ZNF248: variants seen among roughly 807,000 people sequenced by gnomAD.
ZNF248 encodes the protein KRAB protein domain.
ZNF248 carries 20 observed loss-of-function variants against 44.3 expected under a neutral mutation model. The ratio of observed to expected loss-of-function variants is 0.45; its 90% confidence interval spans 0.32 to 0.66. ZNF248 has a LOEUF of 0.66. Among genes scored for constraint, ZNF248 ranks in the 30% least tolerant of loss-of-function variants. The probability of loss-of-function intolerance (pLI) is 0.04; values close to 1 mark genes in which losing one functional copy is unlikely to be tolerated. For missense variants in ZNF248, 654 were observed against 677.0 expected (o/e 0.97, Z 0.38); for synonymous variants, 224 against 229.0 (o/e 0.98, Z 0.20).
At chr10:37,761,054 A>G in the ZNF248 span, among the ~76,000 whole-genome samples, 45 of 152,330 alleles carry the variant, frequency 3.0e-4, no homozygotes, top group Admixed American at 5.2e-4. Flanking sequence ...GCAACATCCC[A>G]ACTCCATCTG....
intron 6 of ZNF248, among the ~76,000 whole-genome samples, chr10:37,777,761 C>A (rs748646312): frequency 6.7e-6 from 1 of 148,594 alleles, no homozygotes; most frequent in Non-Finnish European, 1.5e-5. Flanking sequence ...GTTCAATTCC[C>A]ACTTATGAGT....
intron 6 of ZNF248, among the ~76,000 whole-genome samples, chr10:37,802,360 TG>T (rs1171259256): frequency 6.6e-6 from 1 of 152,162 alleles, no homozygotes; most frequent in Non-Finnish European, 1.5e-5. Context: ...GCAAGGTCCC[TG>T]GGGGGAATGT....
intron 6 of ZNF248, among the ~76,000 whole-genome samples, chr10:37,812,314 T>C (rs2051643717): frequency 2.0e-5 from 3 of 151,488 alleles, no homozygotes; most frequent in Non-Finnish European, 4.4e-5. Context: ...AAAAGTGTCT[T>C]TGGGAAAAAA....
At chr10:37,845,286 G>C (rs928063173) in intron 3 of ZNF248, among the ~76,000 whole-genome samples, 3 of 151,758 alleles carry the variant, frequency 2.0e-5, no homozygotes, top group East Asian at 1.9e-4. Flanking sequence ...CCAAAGTGCT[G>C]GGATTACGGG....
Position 37,822,855 on chromosome 10 carries a change from T to TG in ZNF248, c.330+10169dup, listed in dbSNP as rs1405617399. 4.6e-5 allele frequency among the ~76,000 whole-genome samples: 7 copies of TG among 152,264 alleles called. No individual in the cohort carries two copies. The East Asian group carries it at 1.2e-3, about 25-fold the overall frequency. ...GTCATCCTGGGCAACAGGCAGCCCATGGGCCACAGGTTAGACAAGCCTGAT... is the reference window on the plus strand; with the variant it reads ...GTCATCCTGGGCAACAGGCAGCCCATGGGGCCACAGGTTAGACAAGCCTGAT... On this transcript the variant is annotated intron_variant, in intron 6 of 6. Coordinates refer to the ZNF248 transcript ENST00000615949.
intron 3 of ZNF248, among the ~76,000 whole-genome samples, chr10:37,848,268 C>T (rs186688039): frequency 7.9e-5 from 12 of 151,612 alleles, no homozygotes; most frequent in African/African-American, 2.4e-4. Flanking sequence ...CAGAACGATA[C>T]TCCCTCTCAA....
At chr10:37,790,350 C>CAGCATTT (rs2048357055) in intron 6 of ZNF248, among the ~76,000 whole-genome samples, 1 of 151,162 alleles carries the variant, frequency 6.6e-6, no homozygotes, top group Non-Finnish European at 1.5e-5. Flanking sequence ...GAGGCTGAGG[C>CAGCATTT]TGGAAAATCG....
chr10:37,854,608 C>A (rs1475029579), intron 3 of ZNF248, among the ~76,000 whole-genome samples: 4 of 152,134 alleles, frequency 2.6e-5, no homozygotes, highest in Non-Finnish European at 5.9e-5. Context: ...ATAAGCATTC[C>A]CATGCATTGC....
chr10:37,811,349 T>G (rs905315506), intron 6 of ZNF248, among the ~76,000 whole-genome samples: 1 of 152,202 alleles, frequency 6.6e-6, no homozygotes, highest in African/African-American at 2.4e-5. Flanking sequence ...TTTATGTGGC[T>G]GCAGGATTGC....
At position 37,828,810 on chromosome 10, in the gene ZNF248, C is replaced by T; in HGVS notation, c.*2805G>A. ...TTTGGAAGAATACAGAGCTGCTTAC[C>T]TTACACCACATACAATAAGAAACAC... On this transcript the variant is annotated 3_prime_UTR_variant, in exon 6 of 6. Coordinates refer to ENST00000395867, the MANE Select transcript of ZNF248 (RefSeq NM_021045.3). 4 of 985,368 alleles carry T rather than the reference C, an allele frequency of 4.1e-6. No homozygotes were observed. The highest frequency in any genetic ancestry group is 4.8e-6 in the Non-Finnish European group (4 of 829,916). 61.0% of individuals were successfully genotyped at this position (985,368 alleles called of 1,614,324 possible).
the ZNF248 span, among the ~76,000 whole-genome samples, chr10:37,770,390 T>G: frequency 6.6e-6 from 1 of 152,212 alleles, no homozygotes; most frequent in African/African-American, 2.4e-5. Flanking sequence ...AAGGCTACAG[T>G]AACCAAAACA....
intron 3 of ZNF248, among the ~76,000 whole-genome samples, chr10:37,850,432 C>T (rs551602259): frequency 6.6e-6 from 1 of 152,242 alleles, no homozygotes; most frequent in South Asian, 2.1e-4. Context: ...TTTTTATAAG[C>T]ACAGACAAGC....
At chr10:37,760,636 C>G in the ZNF248 span, among the ~76,000 whole-genome samples, 2 of 152,156 alleles carry the variant, frequency 1.3e-5, no homozygotes, top group Non-Finnish European at 2.9e-5. Flanking sequence ...CAGCTCGAGA[C>G]AAGCCTGGTC....
intron 5 of ZNF248, among the ~76,000 whole-genome samples, chr10:37,837,064 TAAGTAA>T (rs1180717670): frequency 6.7e-6 from 1 of 149,972 alleles, no homozygotes; most frequent in African/African-American, 2.4e-5. Context: ...ATTATAGGTA[TAAGTAA>T]AATACTTTAA....
At chr10:37,791,154 G>A (rs1313610104) in intron 6 of ZNF248, among the ~76,000 whole-genome samples, 1 of 131,424 alleles carries the variant, frequency 7.6e-6, no homozygotes, top group Non-Finnish European at 1.5e-5. Context: ...CCATTCTCCT[G>A]CCTCAGCCTC....
chr10:37,803,675 T>C (rs919164424), intron 6 of ZNF248: 2 of 152,294 alleles, frequency 1.3e-5, no homozygotes, highest in African/African-American at 4.8e-5. Context: ...CCTCAAAAGC[T>C]ACTTTATTCC....
At chr10:37,766,275 C>A in the ZNF248 span, among the ~76,000 whole-genome samples, 3 of 152,210 alleles carry the variant, frequency 2.0e-5, no homozygotes, top group African/African-American at 7.2e-5. Flanking sequence ...TCTCCCAGCA[C>A]GCAACTGGAG....
intron 3 of ZNF248, among the ~76,000 whole-genome samples, chr10:37,840,864 A>C (rs1217879568): frequency 6.6e-6 from 1 of 152,204 alleles, no homozygotes; most frequent in Non-Finnish European, 1.5e-5. Flanking sequence ...AATGAGCCTG[A>C]AATCACTTCT....
chr10:37,789,439 G>A (rs932159963), intron 6 of ZNF248, among the ~76,000 whole-genome samples: 16 of 152,260 alleles, frequency 1.1e-4, no homozygotes, highest in African/African-American at 3.6e-4. Context: ...CTGAATATCA[G>A]TATCAACTAA....
Sources: allele counts gnomAD v4.1 joint callset (sites outside exome capture counted in the v4.1 genomes callset), GRCh38; gene constraint gnomAD v4.1.1; transcripts MANE v1.5; gene names NCBI Gene and HGNC (gene_info 2026-07-23, HGNC 2026-07-21).